The following ABCC3 variants were observed in gnomAD, a reference collection of about 807,000 sequenced individuals.
ABCC3 encodes the protein ATP-binding cassette sub-family C member 3.
ABCC3 carries 121 observed loss-of-function variants against 165.3 expected under a neutral mutation model. The ratio of observed to expected loss-of-function variants is 0.73; its 90% CI spans 0.63 to 0.85. The LOEUF (loss-of-function observed/expected upper bound fraction) is 0.85, where lower values mean the gene tolerates loss of function less well. Among genes scored for constraint, ABCC3 ranks in the 40% least tolerant of loss-of-function variants. ABCC3 has a pLI of 0.00. For synonymous variants in ABCC3, 733 were observed against 810.1 expected, an observed-to-expected ratio of 0.90 and a Z score of 1.62; for missense variants, 1,869 against 1,964.1, an observed-to-expected ratio of 0.95 and a Z score of 0.92.
Position 50,675,892 on chromosome 17 carries a change from A to C in ABCC3, c.2869A>C (p.Ser957Arg). Reference sequence around the variant, plus strand: ...TGGCTGCTCCCTACAGGTGGAGCTCAGTGTGTTCTGGGATTATGCCAAGGC... The same window carrying C: ...TGGCTGCTCCCTACAGGTGGAGCTCCGTGTGTTCTGGGATTATGCCAAGGC... Reference protein sequence around the residue: ...EKAAIGTVELSVFWDYAKAVG... With the variant: ...EKAAIGTVELRVFWDYAKAVG... Residue 957 changes from serine to arginine, a missense_variant, in exon 22 of 31, where the codon AGT becomes CGT. Ser to Arg is a moderately radical substitution (Grantham distance 110). Transcript: ENST00000285238. 1.9e-6 allele frequency: 3 copies of C among 1,614,018 alleles called. No homozygotes were observed. Among genetic ancestry groups the C allele is most frequent in the Non-Finnish European group, 1.7e-6 (2 of 1,179,938 alleles).
intron 29 of ABCC3, 76 bp from the exon 30 acceptor site, chr17:50,687,460 G>T (rs1968042440): frequency 4.1e-6 from 6 of 1,462,130 alleles, no homozygotes; most frequent in Non-Finnish European, 5.6e-6. Flanking sequence ...ACTGAGGAGT[G>T]AAACAGGTCT....
At position 50,669,428 on chromosome 17, in the gene ABCC3, C is replaced by T. The variant is rs1967596380; in HGVS notation, c.2141C>T (p.Ala714Val). 2 of 1,614,144 alleles carry T rather than the reference C, an allele frequency of 1.2e-6. No individual in the cohort carries two copies. The highest frequency in any genetic ancestry group is 1.7e-6 in the Non-Finnish European group (2 of 1,180,048). ...CAGGAAAACGTGCTTTTCGGCAAAGCCCTGAACCCCAAGCGCTACCAGCAG... is the reference window on the plus strand; with the variant it reads ...CAGGAAAACGTGCTTTTCGGCAAAGTCCTGAACCCCAAGCGCTACCAGCAG... ...TLQENVLFGKALNPKRYQQTL... is the reference protein window; with the variant it reads ...TLQENVLFGKVLNPKRYQQTL... The change falls in exon 17 of 31, where the codon GCC becomes GTC. Residue 714 changes from alanine to valine, a missense_variant. Physicochemically the swap from Ala to Val is moderately conservative, Grantham distance 64. Coordinates refer to ENST00000285238, the MANE Select transcript of ABCC3 (RefSeq NM_003786.4).
intron 8 of ABCC3, among the ~76,000 whole-genome samples, chr17:50,662,738 C>T (rs1033361019): frequency 7.2e-5 from 11 of 151,862 alleles, no homozygotes; most frequent in Non-Finnish European, 1.3e-4. Flanking sequence ...AATGAGGCCA[C>T]GTTCACAGGT....
intron 17 of ABCC3, among the ~76,000 whole-genome samples, chr17:50,670,263 A>G (rs1278912950): frequency 6.6e-6 from 1 of 151,828 alleles, no homozygotes; most frequent in South Asian, 2.1e-4. Flanking sequence ...TTGTGTTTTT[A>G]GTACAGACGG....
chr17:50,639,767 CTTT>C (rs140428476), intron 1 of ABCC3, among the ~76,000 whole-genome samples: 6 of 143,790 alleles, frequency 4.2e-5, no homozygotes, highest in Admixed American at 6.9e-5. Context: ...TGGATTTCTC[CTTT>C]TTTTTTTTTT....
At chr17:50,651,914 G>A (rs1457092913) in intron 1 of ABCC3, among the ~76,000 whole-genome samples, 9 of 152,064 alleles carry the variant, frequency 5.9e-5, no homozygotes, top group Non-Finnish European at 7.4e-5. Context: ...ACATAAGCTT[G>A]TTTTACCAGT....
chr17:50,663,560 G>C (rs1340954977), intron 8 of ABCC3, 121 bp from the exon 9 acceptor site: 3 of 1,182,068 alleles, frequency 2.5e-6, no homozygotes, highest in Admixed American at 2.2e-5. Flanking sequence ...GAGGTTGGAG[G>C]GGGTGGAGGT....
chr17:50,655,642 C>A (rs1266854627), intron 1 of ABCC3, among the ~76,000 whole-genome samples, 190 bp from the exon 2 acceptor site: 1 of 152,056 alleles, frequency 6.6e-6, no homozygotes, highest in Non-Finnish European at 1.5e-5. Flanking sequence ...GAAATGGGGG[C>A]AGCCATGGCG....
intron 1 of ABCC3, among the ~76,000 whole-genome samples, chr17:50,642,583 C>G (rs140702878): frequency 6.6e-6 from 1 of 152,218 alleles, no homozygotes; most frequent in Admixed American, 6.5e-5. Context: ...ACCTTCTCCC[C>G]GCTGTGGGGA....
rs1167212650 is a variant in ABCC3, at chr17:50,655,422, C to CAAAAA, written c.46-409_46-405dup. On this transcript the variant is annotated intron_variant, in intron 1 of 30. Coordinates refer to ENST00000285238, the MANE Select transcript of ABCC3 (RefSeq NM_003786.4). ...TCTGTCTCAAAAAAAAAAAAAAAAA[C>CAAAAA]AAAAACAAAAAAAAAAGAGTGGGAA... 2.5e-4 allele frequency among the ~76,000 whole-genome samples: 28 copies of CAAAAA among 113,936 alleles called. No individual in the cohort carries two copies. The East Asian group carries it at 3.5e-3, about 14-fold the overall frequency. The allele number at this position is 113,936 out of a possible 152,430, so 74.7% of individuals were successfully genotyped here.
intron 1 of ABCC3, chr17:50,635,661 C>A: frequency 1.4e-6 from 1 of 694,580 alleles, no homozygotes; most frequent in Non-Finnish European, 2.6e-6. Context: ...GAAAGGGAGG[C>A]CCAGAGAGAG....
chr17:50,690,424 A>C (rs1431994817), intron 30 of ABCC3, among the ~76,000 whole-genome samples: 1 of 152,126 alleles, frequency 6.6e-6, no homozygotes, highest in African/African-American at 2.4e-5. Flanking sequence ...TAGGCTGAGA[A>C]CCAGAATGCA....
intron 17 of ABCC3, among the ~76,000 whole-genome samples, 153 bp from the exon 18 acceptor site, chr17:50,672,818 G>A (rs1967676122): frequency 6.6e-6 from 1 of 151,762 alleles, no homozygotes; most frequent in Non-Finnish European, 1.5e-5. Flanking sequence ...GTTGCAGTGA[G>A]CCAAGATCGC....
At chr17:50,691,051 G>A (rs770050165) in intron 30 of ABCC3, 41 bp from the exon 31 acceptor site, 1 of 1,517,756 alleles carries the variant, frequency 6.6e-7, no homozygotes. Context: ...GACCAGGTCA[G>A]GGCTGATGGA....
chr17:50,673,346 C>G, intron 18 of ABCC3, 123 bp from the exon 19 acceptor site: 1 of 1,331,128 alleles, frequency 7.5e-7, no homozygotes, highest in South Asian at 1.4e-5. Flanking sequence ...GGGTGAGTCA[C>G]CCATGTGCCT....
intron 17 of ABCC3, among the ~76,000 whole-genome samples, chr17:50,671,011 TGG>T (rs1452300758): frequency 2.0e-5 from 3 of 152,140 alleles, no homozygotes; most frequent in Non-Finnish European, 4.4e-5. Context: ...CCCAGCACTC[TGG>T]GAGGCTGAGG....
Position 50,665,551 on chromosome 17 carries a change from A to T in ABCC3, c.1431+306A>T, listed in dbSNP as rs561551649. On this transcript the variant is annotated intron_variant, in intron 11 of 30. Coordinates refer to ENST00000285238, the MANE Select transcript of ABCC3 (RefSeq NM_003786.4). ...GTTTTCCCGCTGCACTGTGCTAAGC[A>T]TGAATAGCCAGTCACTCAGTCTACT... Among the ~76,000 whole-genome samples the T allele has an allele frequency of 1.3e-3, 202 of 152,212 alleles. 1 individual carries two copies. Among genetic ancestry groups the T allele is most frequent in the African/African-American group, 4.7e-3 (196 of 41,532 alleles).
Position 50,673,112 on chromosome 17 carries a change from G to A in ABCC3, c.2383G>A (p.Gly795Arg), listed in dbSNP as rs773640405. ...CAAGCACATCTTTGACCACGTCATC[G>A]GGCCAGAAGGCGTGCTGGCAGGCAA... Reference protein sequence around the residue: ...VAKHIFDHVIGPEGVLAGKTR... With the variant: ...VAKHIFDHVIRPEGVLAGKTR... The change falls in exon 18 of 31, where the codon GGG becomes AGG. Residue 795 changes from glycine to arginine, a missense_variant. Gly to Arg is a moderately radical substitution (Grantham distance 125). Coordinates refer to ENST00000285238, the MANE Select transcript of ABCC3 (RefSeq NM_003786.4). 1.4e-5 allele frequency: 22 copies of A among 1,613,868 alleles called. No homozygotes were observed. Among genetic ancestry groups the A allele is most frequent in the Non-Finnish European group, 1.6e-5 (19 of 1,180,040 alleles).
In ABCC3 at chr17:50,673,565, C is replaced by T; in HGVS notation, c.2506C>T (p.Pro836Ser). The part of the protein sequence containing the change: ...DGQVSEMGPY[P>S]ALLQRNGSFA... ...ACAGGTGTCTGAGATGGGCCCGTACCCAGCCCTGCTGCAGCGCAACGGCTC... is the reference window on the plus strand; with the variant it reads ...ACAGGTGTCTGAGATGGGCCCGTACTCAGCCCTGCTGCAGCGCAACGGCTC... The change falls in exon 19 of 31, where the codon CCA becomes TCA. Residue 836 changes from proline (P) to serine (S), a missense_variant. Pro to Ser is a moderately conservative substitution (Grantham distance 74). Coordinates refer to ENST00000285238, the MANE Select transcript of ABCC3 (RefSeq NM_003786.4). 1 of 1,614,170 alleles carries T rather than the reference C, an allele frequency of 6.2e-7. No homozygotes were observed. Among genetic ancestry groups the T allele is most frequent in the Admixed American group, 1.7e-5 (1 of 60,022 alleles).
Sources: allele counts gnomAD v4.1 joint callset (sites outside exome capture counted in the v4.1 genomes callset), GRCh38; gene constraint gnomAD v4.1.1; transcripts MANE v1.5; gene names NCBI Gene and HGNC (gene_info 2026-07-23, HGNC 2026-07-21).